Variants in VAV3 observed in about 807,000 individuals in gnomAD.
VAV3 encodes guanine nucleotide exchange factor VAV3.
In VAV3, 94 loss-of-function variants were observed where a neutral mutation model predicts 131.2. The observed-to-expected ratio is 0.72, with a 90% CI of 0.61 to 0.85. The LOEUF is 0.85. Ranked by LOEUF, VAV3 falls within the 40% of genes least tolerant of loss-of-function variation. VAV3 has a pLI of 0.00. For synonymous variants in VAV3, 349 were observed against 342.0 expected, an observed-to-expected ratio of 1.02 and a Z score of -0.22; for missense variants, 939 against 1,002.7, an observed-to-expected ratio of 0.94 and a Z score of 0.86.
At chr1:107,617,235 G>A (rs1164991979) in intron 21 of VAV3, among the ~76,000 whole-genome samples, 1 of 152,082 alleles carries the variant, frequency 6.6e-6, no homozygotes, top group Non-Finnish European at 1.5e-5. Flanking sequence ...AGTGACTGGA[G>A]GCAGACCGTA....
intron 1 of VAV3, among the ~76,000 whole-genome samples, chr1:107,932,210 C>T (rs1673471247): frequency 6.6e-6 from 1 of 152,186 alleles, no homozygotes; most frequent in Admixed American, 6.5e-5. Flanking sequence ...GTACCCAAAT[C>T]ACAGCACGAG....
At chr1:107,835,650 A>G (rs1668444501) in intron 2 of VAV3, among the ~76,000 whole-genome samples, 1 of 152,204 alleles carries the variant, frequency 6.6e-6, no homozygotes, top group Non-Finnish European at 1.5e-5. Flanking sequence ...CAGATTCTAC[A>G]GTAGCCACCA....
intron 1 of VAV3, among the ~76,000 whole-genome samples, chr1:107,908,859 AC>A (rs1672234686): frequency 1.4e-5 from 2 of 145,880 alleles, no homozygotes; most frequent in African/African-American, 5.5e-5. Context: ...ACACACACAC[AC>A]ACACACACAC....
intron 2 of VAV3, among the ~76,000 whole-genome samples, chr1:107,794,613 G>T (rs1439249162): frequency 3.3e-5 from 5 of 152,144 alleles, no homozygotes; most frequent in Non-Finnish European, 5.9e-5. Flanking sequence ...TTGAAACTGT[G>T]ATAAAATCTA....
chr1:107,736,445 A>T (rs190888550), intron 15 of VAV3, among the ~76,000 whole-genome samples: 156 of 152,330 alleles, frequency 1.0e-3, no homozygotes, highest in African/African-American at 3.7e-3. Context: ...ACACGATTGT[A>T]TATTTAGAAA....
intron 19 of VAV3, among the ~76,000 whole-genome samples, chr1:107,678,574 T>G (rs932842646): frequency 2.6e-5 from 4 of 152,154 alleles, no homozygotes; most frequent in South Asian, 2.1e-4. Context: ...ATTTCTCTAT[T>G]GAACATATTG....
In VAV3 at chr1:107,760,839, C is replaced by T. The variant is rs139065569; in HGVS notation, c.962G>A (p.Arg321Gln). 177 of 1,613,452 alleles carry T rather than the reference C, an allele frequency of 1.1e-4. 1 individual carries two copies. Among genetic ancestry groups the T allele is most frequent in the Non-Finnish European group, 1.4e-4 (164 of 1,179,672 alleles). ...TTGCATAGGAACCACAAGCAAGTCTCGAAGAGTAAATTTCCCATTATTTGC... is the reference window on the plus strand; with the variant it reads ...TTGCATAGGAACCACAAGCAAGTCTTGAAGAGTAAATTTCCCATTATTTGC... ...KRANNGKFTL[R>Q]DLLVVPMQRV... Residue 321 changes from arginine (R) to glutamine (Q), a missense_variant, in exon 10 of 27, where the codon CGA becomes CAA. Physicochemically the swap from Arg to Gln is conservative, Grantham distance 43. Coordinates refer to ENST00000370056, the MANE Select transcript of VAV3 (RefSeq NM_006113.5).
At chr1:107,854,134 C>G (rs1571047016) in intron 2 of VAV3, among the ~76,000 whole-genome samples, 1 of 152,178 alleles carries the variant, frequency 6.6e-6, no homozygotes, top group South Asian at 2.1e-4. Context: ...CATGGCAAAT[C>G]CCCATCTCTG....
At position 107,777,260 on chromosome 1, in the gene VAV3, G is replaced by C. The variant is rs769047903; in HGVS notation, c.417C>G (p.Asp139Glu). 2.9e-5 allele frequency: 47 copies of C among 1,613,984 alleles called. No individual in the cohort carries two copies. The highest frequency in any genetic ancestry group is 1.6e-4 in the Middle Eastern group (1 of 6,084). ...FPTEESINDEDIYKGLPDLID... is the reference protein window; with the variant it reads ...FPTEESINDEEIYKGLPDLID... ...TTAAATCAGGAAGGCCTTTGTAGAT[G>C]TCTTCATCATTAATGCTTTCTTCTG... Residue 139 changes from aspartate (D) to glutamate (E), a missense_variant, in exon 4 of 27, where the codon GAC (aspartate) becomes GAG (glutamate). Transcript: ENST00000370056.
At chr1:107,853,371 T>C (rs1669315366) in intron 2 of VAV3, among the ~76,000 whole-genome samples, 1 of 152,194 alleles carries the variant, frequency 6.6e-6, no homozygotes, top group South Asian at 2.1e-4. Flanking sequence ...TGTAATCCAT[T>C]ATTTACCCTT....
At chr1:107,606,962 T>C (rs1652325387) in intron 22 of VAV3, among the ~76,000 whole-genome samples, 1 of 150,350 alleles carries the variant, frequency 6.7e-6, no homozygotes, top group African/African-American at 2.5e-5. Flanking sequence ...TCTGATCTTT[T>C]TTTTTTTTTT....
At chr1:107,828,226 A>G (rs1169507239) in intron 2 of VAV3, among the ~76,000 whole-genome samples, 1 of 152,176 alleles carries the variant, frequency 6.6e-6, no homozygotes, top group African/African-American at 2.4e-5. Flanking sequence ...TGCGTTAAAT[A>G]TCGAGGAAGA....
intron 19 of VAV3, among the ~76,000 whole-genome samples, chr1:107,660,706 A>T (rs1237564950): frequency 6.6e-6 from 1 of 152,200 alleles, no homozygotes; most frequent in African/African-American, 2.4e-5. Flanking sequence ...TAATTTTTTT[A>T]AAAACACACC....
At chr1:107,777,180 T>C in intron 4 of VAV3, 51 bp downstream of exon 4, 4 of 1,511,150 alleles carry the variant, frequency 2.6e-6, no homozygotes, top group Non-Finnish European at 3.7e-6. Context: ...AAACCCACAA[T>C]GGACACATAA....
intron 1 of VAV3, among the ~76,000 whole-genome samples, chr1:107,893,090 C>G (rs1222309246): frequency 6.6e-6 from 1 of 152,154 alleles, no homozygotes; most frequent in African/African-American, 2.4e-5. Flanking sequence ...TGCTAAAGCT[C>G]CAGTGTCAAC....
chr1:107,837,990 T>C (rs1668548201), intron 2 of VAV3, among the ~76,000 whole-genome samples: 1 of 152,114 alleles, frequency 6.6e-6, no homozygotes, highest in Non-Finnish European at 1.5e-5. Flanking sequence ...AAATAATTCA[T>C]GGTCAAGTTC....
intron 2 of VAV3, among the ~76,000 whole-genome samples, chr1:107,796,399 G>A (rs544977008): frequency 2.6e-5 from 4 of 151,928 alleles, no homozygotes; most frequent in African/African-American, 7.2e-5. Context: ...CTTTTTTTAG[G>A]GATCAGTTCT....
At chr1:107,842,772 G>C (rs991724732) in intron 2 of VAV3, among the ~76,000 whole-genome samples, 9 of 151,836 alleles carry the variant, frequency 5.9e-5, no homozygotes, top group African/African-American at 2.2e-4. Flanking sequence ...ATTTTGGGAG[G>C]GGGCACAGAC....
chr1:107,624,723 T>C (rs138402595), intron 20 of VAV3, among the ~76,000 whole-genome samples: 1 of 152,334 alleles, frequency 6.6e-6, no homozygotes, highest in East Asian at 1.9e-4. Flanking sequence ...TAAATGCTCA[T>C]GGCAGCATGA....
Sources: gnomAD v4.1 joint callset for allele counts (sites outside exome capture counted in the v4.1 genomes callset) on GRCh38, gnomAD v4.1.1 for gene constraint, MANE v1.5 for transcripts, NCBI Gene and HGNC (gene_info 2026-07-23, HGNC 2026-07-21) for gene names.